Variants in SLC14A2 observed in about 807,000 individuals in gnomAD.
SLC14A2 encodes solute carrier family 14 member 2, also known as urea transporter 2.
In SLC14A2, 91 loss-of-function variants were observed where a neutral mutation model predicts 104.6. That is an observed-to-expected ratio of 0.87 (90% confidence interval 0.73 to 1.04). SLC14A2 has a LOEUF of 1.04. Ranked by LOEUF, SLC14A2 falls within the 50% of genes least tolerant of loss-of-function variation. SLC14A2 has a pLI of 0.00. For missense variants in SLC14A2, 1,189 were observed against 1,156.0 expected (o/e 1.03, Z -0.41); for synonymous variants, 476 against 466.4 (o/e 1.02, Z -0.27).
intron 2 of SLC14A2, among the ~76,000 whole-genome samples, chr18:45,591,639 T>C (rs1456308886): frequency 1.3e-5 from 2 of 152,124 alleles, no homozygotes; most frequent in East Asian, 3.9e-4. Flanking sequence ...CCAGCCGAGA[T>C]AACAATATTT....
At chr18:45,587,393 AC>A (rs1222935377) in intron 2 of SLC14A2, among the ~76,000 whole-genome samples, 4 of 152,170 alleles carry the variant, frequency 2.6e-5, no homozygotes, top group Admixed American at 2.6e-4. Flanking sequence ...AGGGTTGAGA[AC>A]CCCGTTCCAG....
chr18:45,287,222 G>A lies in SLC14A2; in HGVS notation c.-125+74031G>A, dbSNP rs373003951. 7.2e-5 allele frequency among the ~76,000 whole-genome samples: 11 copies of A among 152,348 alleles called. No homozygotes were observed. The South Asian group carries it at 2.3e-3, about 32-fold the overall frequency. On this transcript the variant is annotated intron_variant, in intron 1 of 20. Transcript: ENST00000586448. Reference sequence around the variant, plus strand: ...GATAGCTGCACACCTGCTTAGAAGAGGGAATTGTTTCCTTGTGGGAGGAGG... The same window carrying A: ...GATAGCTGCACACCTGCTTAGAAGAAGGAATTGTTTCCTTGTGGGAGGAGG...
intron 1 of SLC14A2, among the ~76,000 whole-genome samples, chr18:45,300,922 G>A (rs956370605): frequency 6.6e-6 from 1 of 152,204 alleles, no homozygotes; most frequent in East Asian, 1.9e-4. Flanking sequence ...GGAGGCAGAT[G>A]TGTGCATGAA....
chr18:45,533,307 G>A (rs530040304), intron 2 of SLC14A2, among the ~76,000 whole-genome samples: 4 of 152,264 alleles, frequency 2.6e-5, no homozygotes, highest in East Asian at 1.9e-4. Context: ...GGTAGAATTC[G>A]GCTGTGAATC....
intron 12 of SLC14A2, 36 bp downstream of exon 12, chr18:45,666,255 C>T: frequency 7.0e-7 from 1 of 1,434,780 alleles, no homozygotes; most frequent in Non-Finnish European, 9.8e-7. Flanking sequence ...GGACAGCGCC[C>T]TACAGTCACA....
chr18:45,197,500 T>G, the SLC14A2 span, among the ~76,000 whole-genome samples: 1 of 152,198 alleles, frequency 6.6e-6, no homozygotes, highest in African/African-American at 2.4e-5. Context: ...AGCAGTATAG[T>G]CAGAGAAGAC....
chr18:45,272,139 T>C, intron 1 of SLC14A2, among the ~76,000 whole-genome samples: 1 of 152,046 alleles, frequency 6.6e-6, no homozygotes, highest in Admixed American at 6.6e-5. Flanking sequence ...TTTACACTCT[T>C]GGTGGGAATG....
chr18:45,368,331 T>A (rs1184276343), intron 1 of SLC14A2, among the ~76,000 whole-genome samples: 1 of 151,504 alleles, frequency 6.6e-6, no homozygotes, highest in African/African-American at 2.4e-5. Flanking sequence ...AGGGTGAGAG[T>A]GTAGGAGGGA....
intron 10 of SLC14A2, among the ~76,000 whole-genome samples, chr18:45,659,314 G>A (rs1318834707): frequency 6.6e-6 from 1 of 152,130 alleles, no homozygotes; most frequent in Non-Finnish European, 1.5e-5. Context: ...TGGAGGTGAG[G>A]GGGTGGCAAA....
upstream of SLC14A2, among the ~76,000 whole-genome samples, chr18:45,611,140 T>TC (rs1294869955): frequency 1.3e-5 from 2 of 152,076 alleles, no homozygotes; most frequent in East Asian, 3.9e-4. Flanking sequence ...AACACCAGCC[T>TC]CCTCCCATTC....
intron 1 of SLC14A2, among the ~76,000 whole-genome samples, chr18:45,326,257 C>T (rs1370344341): frequency 6.6e-6 from 1 of 152,094 alleles, no homozygotes; most frequent in African/African-American, 2.4e-5. Context: ...CACAATTCTC[C>T]ACCTGAATGC....
At chr18:45,335,355 T>C (rs892954426) in intron 1 of SLC14A2, among the ~76,000 whole-genome samples, 6 of 152,276 alleles carry the variant, frequency 3.9e-5, no homozygotes, top group African/African-American at 1.4e-4. Context: ...TACTTTGAGA[T>C]ACATCTAAGT....
chr18:45,213,960 G>A (rs1457135320), intron 1 of SLC14A2, among the ~76,000 whole-genome samples: 1 of 152,132 alleles, frequency 6.6e-6, no homozygotes, highest in Non-Finnish European at 1.5e-5. Context: ...TTACCTATAT[G>A]ATCAATAGAA....
chr18:45,196,372 G>T, the SLC14A2 span, among the ~76,000 whole-genome samples: 1 of 152,130 alleles, frequency 6.6e-6, no homozygotes, highest in Non-Finnish European at 1.5e-5. Flanking sequence ...AATGTAAAAG[G>T]TGTTTCTTAT....
chr18:45,350,262 A>T (rs796780242), intron 1 of SLC14A2, among the ~76,000 whole-genome samples: 33 of 152,380 alleles, frequency 2.2e-4, no homozygotes, highest in African/African-American at 6.7e-4. Flanking sequence ...CATTCTGGAT[A>T]AAACCTCAGA....
At chr18:45,308,608 T>C (rs2085047398) in intron 1 of SLC14A2, among the ~76,000 whole-genome samples, 1 of 152,314 alleles carries the variant, frequency 6.6e-6, no homozygotes, top group South Asian at 2.1e-4. Flanking sequence ...AGGATGCCTG[T>C]GTCCTGGCAT....
the SLC14A2 span, among the ~76,000 whole-genome samples, chr18:45,174,881 A>G: frequency 6.6e-6 from 1 of 152,326 alleles, no homozygotes; most frequent in Non-Finnish European, 1.5e-5. Context: ...GCATGAGCTC[A>G]TACATAATAA....
rs148678053 is a variant in SLC14A2 at position 45,504,702 on chromosome 18, A to G, written c.-35+21380A>G. 2.8e-3 allele frequency among the ~76,000 whole-genome samples: 428 copies of G among 152,352 alleles called. 3 individuals are homozygous for G. The highest frequency in any genetic ancestry group is 9.5e-3 in the African/African-American group (393 of 41,578). Reference sequence around the variant, plus strand: ...CCAGTGGATACCTGGGCCTGGCAGCACTAGCCTGTGGAAGCAACTCAATCC... The same window carrying G: ...CCAGTGGATACCTGGGCCTGGCAGCGCTAGCCTGTGGAAGCAACTCAATCC... On this transcript the variant is annotated intron_variant, in intron 2 of 20. Transcript: ENST00000586448.
chr18:45,401,000 T>G (rs2086089803), intron 1 of SLC14A2, among the ~76,000 whole-genome samples: 1 of 152,200 alleles, frequency 6.6e-6, no homozygotes, highest in African/African-American at 2.4e-5. Context: ...GTCAGCCATT[T>G]CCCAAGGATC....
Sources: allele counts gnomAD v4.1 joint callset (sites outside exome capture counted in the v4.1 genomes callset), GRCh38; gene constraint gnomAD v4.1.1; transcripts MANE v1.5; gene names NCBI Gene and HGNC (gene_info 2026-07-23, HGNC 2026-07-21).